Variants in SLC36A1 observed in about 807,000 individuals in gnomAD.
SLC36A1 encodes solute carrier family 36 member 1, also known as proton-coupled amino acid transporter 1.
A neutral mutation model predicts 47.5 loss-of-function variants in SLC36A1; 30 were observed. That is an observed-to-expected ratio of 0.63 (90% CI 0.47 to 0.86). The LOEUF is 0.86. Among genes scored for constraint, SLC36A1 ranks in the 40% least tolerant of loss-of-function variants. The pLI is 0.00. For missense variants in SLC36A1, 517 were observed against 606.0 expected (o/e 0.85, Z 1.54); for synonymous variants, 255 against 249.7 (o/e 1.02, Z -0.20).
chr5:151,367,573 C>T, the SLC36A1 span, among the ~76,000 whole-genome samples: 1 of 151,976 alleles, frequency 6.6e-6, no homozygotes, highest in Non-Finnish European at 1.5e-5. Flanking sequence ...TCAAGGTGCA[C>T]TGATTTCATA....
the SLC36A1 span, among the ~76,000 whole-genome samples, chr5:151,524,547 A>G: frequency 1.3e-5 from 2 of 152,198 alleles, no homozygotes; most frequent in Non-Finnish European, 2.9e-5. Context: ...AACTGTGGGA[A>G]ATACATTTCT....
At chr5:151,534,569 A>C in the SLC36A1 span, 6 of 1,613,908 alleles carry the variant, frequency 3.7e-6, no homozygotes, top group Non-Finnish European at 5.1e-6. Flanking sequence ...GGCCACCTCC[A>C]TCCGTCGCCT....
intron 1 of SLC36A1, chr5:151,452,352 G>C (rs4958458): frequency 0.32 from 48,336 of 152,072 alleles, 8,757 homozygotes; most frequent in African/African-American, 0.49. Flanking sequence ...GAATTCCATC[G>C]ACAGAGAGGA....
At chr5:151,358,834 C>T in the SLC36A1 span, among the ~76,000 whole-genome samples, 7 of 151,462 alleles carry the variant, frequency 4.6e-5, no homozygotes, top group East Asian at 1.9e-4. Context: ...ATTAGCCGGG[C>T]GCGGTGGCGG....
the SLC36A1 span, chr5:151,529,502 G>A: frequency 2.4e-6 from 2 of 828,460 alleles, no homozygotes; most frequent in African/African-American, 3.4e-5. Flanking sequence ...GGCTAGGCAA[G>A]GTAAGTGTCC....
At chr5:151,399,012 C>T in the SLC36A1 span, among the ~76,000 whole-genome samples, 22 of 148,352 alleles carry the variant, frequency 1.5e-4, no homozygotes, top group African/African-American at 3.7e-4. Flanking sequence ...TTCTCCTTCT[C>T]GCTCTGCATG....
At chr5:151,519,560 G>A in the SLC36A1 span, among the ~76,000 whole-genome samples, 2 of 152,140 alleles carry the variant, frequency 1.3e-5, no homozygotes, top group Non-Finnish European at 2.9e-5. Flanking sequence ...GTGGAAATAT[G>A]TATTTTAAAA....
the SLC36A1 span, among the ~76,000 whole-genome samples, chr5:151,394,872 C>T: frequency 1.3e-5 from 2 of 152,216 alleles, no homozygotes; most frequent in Non-Finnish European, 2.9e-5. Context: ...AGGAGGCAGT[C>T]TGTCTGTTCT....
chr5:151,385,089 GC>G, the SLC36A1 span, among the ~76,000 whole-genome samples: 1 of 151,206 alleles, frequency 6.6e-6, no homozygotes, highest in East Asian at 1.9e-4. Context: ...GTGCTTAAAG[GC>G]CTTCATAAAT....
chr5:151,413,538 CTA>C, the SLC36A1 span, among the ~76,000 whole-genome samples: 7 of 152,054 alleles, frequency 4.6e-5, no homozygotes, highest in African/African-American at 1.4e-4. Context: ...AACTGAAAAA[CTA>C]TTCACATAAC....
chr5:151,480,062 T>C, intron 10 of SLC36A1: 2 of 1,496,672 alleles, frequency 1.3e-6, no homozygotes, highest in Non-Finnish European at 1.8e-6. Context: ...CCCAGGAGTG[T>C]AAGTTAAAAG....
At chr5:151,420,581 A>G in the SLC36A1 span, among the ~76,000 whole-genome samples, 24 of 152,208 alleles carry the variant, frequency 1.6e-4, no homozygotes, top group African/African-American at 5.5e-4. Context: ...AGAGTGCATC[A>G]GAATTTCAGG....
At chr5:151,429,208 ATTTTT>A in the SLC36A1 span, among the ~76,000 whole-genome samples, 1 of 151,656 alleles carries the variant, frequency 6.6e-6, no homozygotes, top group African/African-American at 2.4e-5. Flanking sequence ...ATTTTTTAAA[ATTTTT>A]TTTATTATTA....
chr5:151,422,950 C>T, the SLC36A1 span, among the ~76,000 whole-genome samples: 1 of 152,090 alleles, frequency 6.6e-6, no homozygotes, highest in South Asian at 2.1e-4. Flanking sequence ...CCCCACTCCA[C>T]TCCCCACACA....
Position 151,461,610 on chromosome 5 carries a change from A to G in SLC36A1, c.144-1943A>G, listed in dbSNP as rs191467989. 2.6e-5 allele frequency among the ~76,000 whole-genome samples: 4 copies of G among 152,322 alleles called. No individual in the cohort carries two copies. The East Asian group carries it at 5.8e-4, about 22-fold the overall frequency. On this transcript the variant is annotated intron_variant, in intron 2 of 10. Coordinates refer to ENST00000243389, the MANE Select transcript of SLC36A1 (RefSeq NM_078483.4). ...CTCTTCATAATAATACTAAGATGTT[A>G]TCTGCTTTTTCACTTGTGGATATTT...
the SLC36A1 span, among the ~76,000 whole-genome samples, chr5:151,364,543 A>G: frequency 8.5e-5 from 13 of 152,178 alleles, no homozygotes; most frequent in Non-Finnish European, 1.8e-4. Context: ...TAATTATACT[A>G]TTAAATTATA....
chr5:151,471,323 A>G (rs926736074), intron 7 of SLC36A1, among the ~76,000 whole-genome samples: 7 of 152,228 alleles, frequency 4.6e-5, no homozygotes, highest in African/African-American at 1.7e-4. Context: ...TTTAACATGT[A>G]TGTTTCTTTA....
At chr5:151,384,882 C>T in the SLC36A1 span, among the ~76,000 whole-genome samples, 1 of 152,004 alleles carries the variant, frequency 6.6e-6, no homozygotes, top group Non-Finnish European at 1.5e-5. Flanking sequence ...GTAGGGGACC[C>T]TGAAGATCTT....
chr5:151,523,182 A>G, the SLC36A1 span, among the ~76,000 whole-genome samples: 2 of 152,178 alleles, frequency 1.3e-5, no homozygotes, highest in African/African-American at 4.8e-5. Context: ...GTCATGCATA[A>G]CACCGAAGAG....
Sources: allele counts gnomAD v4.1 joint callset (sites outside exome capture counted in the v4.1 genomes callset), GRCh38; gene constraint gnomAD v4.1.1; transcripts MANE v1.5; gene names NCBI Gene and HGNC (gene_info 2026-07-23, HGNC 2026-07-21).